The following FIP1L1 variants were observed in gnomAD, a reference collection of about 807,000 sequenced individuals.
The protein encoded by FIP1L1 is pre-mRNA 3'-end-processing factor FIP1.
In FIP1L1, 21 loss-of-function variants were observed where a neutral mutation model predicts 84.6. The observed-to-expected ratio is 0.25, with a 90% CI of 0.18 to 0.36. The LOEUF is 0.36. FIP1L1 is among the 10% of genes least tolerant of loss of function. FIP1L1 has a pLI of 1.00. For synonymous variants in FIP1L1, 263 were observed against 242.3 expected, an observed-to-expected ratio of 1.09 and a Z score of -0.80; for missense variants, 526 against 751.1, an observed-to-expected ratio of 0.70 and a Z score of 3.50.
Position 53,437,326 on chromosome 4 carries a change from CAAAAAAAAAAA to C in FIP1L1, c.1175-5310_1175-5300del, listed in dbSNP as rs55957570. 3.4e-3 allele frequency among the ~76,000 whole-genome samples: 219 copies of C among 64,512 alleles called. 1 individual carries two copies. The highest frequency in any genetic ancestry group is 9.4e-3 in the African/African-American group (173 of 18,466). 42.3% of individuals were successfully genotyped at this position (64,512 alleles called of 152,430 possible). ...CAACAGTGTGAGACCCTGTCTCAAC[CAAAAAAAAAAA>C]AAAAAAAAAAAAAAAAGAGAGAGAA... On this transcript the variant is annotated intron_variant, in intron 13 of 17. Transcript: ENST00000337488.
At chr4:53,383,480 G>T (rs1488791700) in intron 4 of FIP1L1, among the ~76,000 whole-genome samples, 1 of 152,126 alleles carries the variant, frequency 6.6e-6, no homozygotes, top group Non-Finnish European at 1.5e-5. Flanking sequence ...TGGCCAACAT[G>T]GTGAAACCCT....
intron 8 of FIP1L1, 95 bp downstream of exon 8, chr4:53,391,234 T>C (rs1744101184): frequency 2.2e-6 from 3 of 1,372,892 alleles, no homozygotes; most frequent in Admixed American, 2.2e-5. Context: ...GGTTAAATGC[T>C]ATATGATAGT....
intron 15 of FIP1L1, among the ~76,000 whole-genome samples, chr4:53,446,155 GTTGAC>G (rs1198094076): frequency 6.6e-6 from 1 of 151,504 alleles, no homozygotes; most frequent in African/African-American, 2.4e-5. Flanking sequence ...TGGTATTTAT[GTTGAC>G]TTACTTGTTT....
At chr4:53,417,487 C>T (rs1353837321) in intron 11 of FIP1L1, among the ~76,000 whole-genome samples, 1 of 151,460 alleles carries the variant, frequency 6.6e-6, no homozygotes, top group Non-Finnish European at 1.5e-5. Flanking sequence ...ACTAAAAATA[C>T]AAAAATTAGC....
chr4:53,414,654 C>A lies in FIP1L1; in HGVS notation c.855C>A (p.Ser285=). The part of the protein sequence containing the change: ...TSSQSQTSTA[S]RKANSSVGKW... ...CTCAGTCTCAGACAAGTACTGCCTC[C>A]AGAAAAGCCAATTCAAGCGTTGGGA... Residue 285 remains serine, a synonymous_variant, in exon 11 of 18, where the codon TCC becomes TCA. Coordinates refer to ENST00000337488, the MANE Select transcript of FIP1L1 (RefSeq NM_030917.4). 1 of 1,613,406 alleles carries A rather than the reference C, an allele frequency of 6.2e-7. No homozygotes were observed. The highest frequency in any genetic ancestry group is 8.5e-7 in the Non-Finnish European group (1 of 1,179,562).
At chr4:53,424,802 G>A (rs1225484946) in intron 11 of FIP1L1, among the ~76,000 whole-genome samples, 1 of 152,040 alleles carries the variant, frequency 6.6e-6, no homozygotes, top group Non-Finnish European at 1.5e-5. Context: ...ATAGTCTTTG[G>A]GATTAGAAAG....
rs1372545125 is a variant in FIP1L1 at position 53,391,003 on chromosome 4, C to G, written c.506-6C>G. On this transcript the variant is annotated splice_polypyrimidine_tract_variant and splice_region_variant and intron_variant, in intron 7 of 17. Coordinates refer to ENST00000337488, the MANE Select transcript of FIP1L1 (RefSeq NM_030917.4). ...TTTGTACACTAAAGTTGTGTTTTAT[C>G]TTTAGGTGCTGATCTTTCTGATTAT... 6.3e-7 allele frequency: 1 copy of G among 1,583,918 alleles called. No individual in the cohort carries two copies. Among genetic ancestry groups the G allele is most frequent in the Non-Finnish European group, 8.6e-7 (1 of 1,169,036 alleles).
chr4:53,430,341 CT>C (rs376793476), intron 13 of FIP1L1, among the ~76,000 whole-genome samples: 11,473 of 76,178 alleles, frequency 0.15, 138 homozygotes, highest in Middle Eastern at 0.27. Context: ...GATAAAATTA[CT>C]TTTTTTTTTT....
intron 10 of FIP1L1, among the ~76,000 whole-genome samples, chr4:53,407,381 G>A (rs1308151050): frequency 1.3e-5 from 2 of 152,142 alleles, no homozygotes; most frequent in African/African-American, 2.4e-5. Flanking sequence ...GAGACAGTTT[G>A]TTATAATTTC....
Position 53,405,217 on chromosome 4 carries a change from C to T in FIP1L1, c.815+5378C>T, listed in dbSNP as rs1230158316. 1.4e-4 allele frequency among the ~76,000 whole-genome samples: 22 copies of T among 152,078 alleles called. 1 individual carries two copies. The highest frequency in any genetic ancestry group is 3.9e-4 in the Admixed American group (6 of 15,274). ...GTAAGGAAGGGATCCAGTTTCAGCTCTCTACATATGGCTAGCCAGTTTTCC... is the reference window on the plus strand; with the variant it reads ...GTAAGGAAGGGATCCAGTTTCAGCTTTCTACATATGGCTAGCCAGTTTTCC... On this transcript the variant is annotated intron_variant, in intron 10 of 17. Coordinates refer to ENST00000337488, the MANE Select transcript of FIP1L1 (RefSeq NM_030917.4).
intron 10 of FIP1L1, among the ~76,000 whole-genome samples, chr4:53,400,049 A>G (rs1365391052): frequency 6.6e-6 from 1 of 152,198 alleles, no homozygotes; most frequent in Non-Finnish European, 1.5e-5. Context: ...AGTGCGGTAT[A>G]TAGTTTTGTG....
intron 15 of FIP1L1, among the ~76,000 whole-genome samples, chr4:53,448,766 G>A (rs1390433981): frequency 6.6e-6 from 1 of 152,084 alleles, no homozygotes; most frequent in East Asian, 1.9e-4. Flanking sequence ...ACAGCATTGA[G>A]TTTATCAGTG....
chr4:53,460,168 G>C lies in FIP1L1; in HGVS notation c.*719G>C, dbSNP rs1721609692. ...CATGTCTGTGAGCCAGGGTCAAGCT[G>C]GTTTGGCCTTCTTGATGCATTTTCC... On this transcript the variant is annotated 3_prime_UTR_variant, in exon 18 of 18. Transcript: ENST00000337488. 1 of 198,452 alleles carries C rather than the reference G, an allele frequency of 5.0e-6. No individual in the cohort carries two copies. The highest frequency in any genetic ancestry group is 1.0e-5 in the Non-Finnish European group (1 of 95,882). The allele number at this position is 198,452 out of a possible 1,614,324, so 12.3% of individuals were successfully genotyped here.
Position 53,453,143 on chromosome 4 carries a change from G to A in FIP1L1, c.1499+10G>A. ...CAAGTGTTTTCAACAGGTTTGTTGG[G>A]TGTGCAGGAGTTTATACTATGTATT... On this transcript the variant is annotated intron_variant, in intron 16 of 17. Transcript: ENST00000337488. The A allele has an allele frequency of 1.2e-6, 2 of 1,613,878 alleles. No homozygotes were observed. Among genetic ancestry groups the A allele is most frequent in the Non-Finnish European group, 8.5e-7 (1 of 1,179,870 alleles).
rs1219073418 is a variant in FIP1L1 at position 53,399,837 on chromosome 4, C to A, written c.813C>A (p.Ser271Arg). ...TGTTCAAGACTGGGCTTCCACCGAGCAGGTTAGTTACATAGTTATAACTCA... is the reference window on the plus strand; with the variant it reads ...TGTTCAAGACTGGGCTTCCACCGAGAAGGTTAGTTACATAGTTATAACTCA... Reference protein sequence around the residue: ...PSLFKTGLPPSRNSTSSQSQT... With the variant: ...PSLFKTGLPPRRNSTSSQSQT... Residue 271 changes from serine (S) to arginine (R), a missense_variant and splice_region_variant, in exon 10 of 18, where the codon AGC becomes AGA. This residue lies in a region of FIP1L1 where 169 missense variants were observed against 206.9 expected (regional missense o/e 0.82). Transcript: ENST00000337488. The A allele has an allele frequency of 6.2e-7, 1 of 1,600,656 alleles. No homozygotes were observed.
chr4:53,431,771 A>T (rs9968536), intron 13 of FIP1L1, among the ~76,000 whole-genome samples: 2,749 of 152,306 alleles, frequency 0.018, 84 homozygotes, highest in African/African-American at 0.063. Flanking sequence ...GACTCTTGGA[A>T]ATTTACAGAG....
chr4:53,436,346 T>C (rs894153724), intron 13 of FIP1L1, among the ~76,000 whole-genome samples: 7 of 152,246 alleles, frequency 4.6e-5, no homozygotes, highest in African/African-American at 1.7e-4. Context: ...CCAAGCTCAC[T>C]CACCTCTTTG....
chr4:53,414,623 C>G lies in FIP1L1; in HGVS notation c.824C>G (p.Thr275Ser). 1 of 1,610,442 alleles carries G rather than the reference C, an allele frequency of 6.2e-7. No individual in the cohort carries two copies. The highest frequency in any genetic ancestry group is 8.5e-7 in the Non-Finnish European group (1 of 1,177,622). ...KTGLPPSRNS[T>S]SSQSQTSTAS... The stretch of plus-strand genomic sequence containing the variant: ...AAAATTTATCTCACCAGAAACAGCA[C>G]TTCTTCTCAGTCTCAGACAAGTACT... The change falls in exon 11 of 18, where the codon ACT (threonine) becomes AGT (serine). Residue 275 changes from threonine (T) to serine (S), a missense_variant. Physicochemically the swap from Thr to Ser is moderately conservative, Grantham distance 58 (BLOSUM62 1). Around this residue, in one of 6 missense-constraint regions of FIP1L1, gnomAD observed 169 missense variants for 206.9 expected, o/e 0.82. Coordinates refer to ENST00000337488, the MANE Select transcript of FIP1L1 (RefSeq NM_030917.4).
At chr4:53,379,924 T>A (rs184900825) in intron 3 of FIP1L1, among the ~76,000 whole-genome samples, 1 of 152,280 alleles carries the variant, frequency 6.6e-6, no homozygotes, top group East Asian at 1.9e-4. Flanking sequence ...GTTAGAAGAT[T>A]TTAAGGAATA....
Sources: allele counts gnomAD v4.1 joint callset (sites outside exome capture counted in the v4.1 genomes callset), GRCh38; gene constraint gnomAD v4.1.1; regional missense constraint gnomAD v4.1.1; transcripts MANE v1.5; gene names NCBI Gene and HGNC (gene_info 2026-07-23, HGNC 2026-07-21).